Variants in FARS2 observed in about 807,000 individuals in gnomAD.
FARS2 encodes the protein phenylalanine--tRNA ligase, mitochondrial.
In FARS2, 40 loss-of-function variants were observed where a neutral mutation model predicts 46.4. The observed-to-expected ratio is 0.86, with a 90% CI of 0.67 to 1.12. The LOEUF (loss-of-function observed/expected upper bound fraction) is 1.12. Ranked by LOEUF, FARS2 falls within the 50% of genes most tolerant of loss-of-function variation. The probability of loss-of-function intolerance (pLI) is 0.00; values close to 1 mark genes in which losing one functional copy is unlikely to be tolerated. For missense variants in FARS2, 513 were observed against 567.9 expected (o/e 0.90, Z 0.98); for synonymous variants, 234 against 214.9 (o/e 1.09, Z -0.78).
At chr6:5,556,337 G>A (rs553907117) in intron 5 of FARS2, among the ~76,000 whole-genome samples, 3 of 152,024 alleles carry the variant, frequency 2.0e-5, no homozygotes, top group Non-Finnish European at 2.9e-5. Flanking sequence ...TCATCGTGGC[G>A]CATTCAACGA....
At chr6:5,388,914 A>T (rs1376188430) in intron 2 of FARS2, among the ~76,000 whole-genome samples, 1 of 152,036 alleles carries the variant, frequency 6.6e-6, no homozygotes, top group Non-Finnish European at 1.5e-5. Flanking sequence ...CTTTTAAAAA[A>T]TCCCTTTTGT....
intron 2 of FARS2, among the ~76,000 whole-genome samples, chr6:5,397,546 G>A (rs1760982654): frequency 6.6e-6 from 1 of 152,074 alleles, no homozygotes; most frequent in Non-Finnish European, 1.5e-5. Flanking sequence ...GTGTGGAGGA[G>A]GAATTATATG....
intron 6 of FARS2, among the ~76,000 whole-genome samples, chr6:5,699,388 A>G (rs1323128206): frequency 6.6e-6 from 1 of 152,072 alleles, no homozygotes; most frequent in African/African-American, 2.4e-5. Flanking sequence ...CAGTTTTGCA[A>G]CTCAAACTTG....
chr6:5,504,686 TAC>T (rs1304771291), intron 4 of FARS2, among the ~76,000 whole-genome samples: 3 of 152,164 alleles, frequency 2.0e-5, no homozygotes, highest in Non-Finnish European at 2.9e-5. Context: ...ATTCAAAACA[TAC>T]AGTTACAAAA....
chr6:5,274,917 C>T (rs1470391263), intron 1 of FARS2, among the ~76,000 whole-genome samples: 1 of 152,148 alleles, frequency 6.6e-6, no homozygotes, highest in Non-Finnish European at 1.5e-5. Context: ...GGGTTTTGCT[C>T]TGTTGCCCAG....
chr6:5,667,531 A>AAAGATT (rs1554123158), intron 6 of FARS2, among the ~76,000 whole-genome samples: 2,816 of 150,628 alleles, frequency 0.019, 89 homozygotes, highest in African/African-American at 0.063. Context: ...AAAAAAAAAA[A>AAAGATT]AAGATTATAT....
intron 5 of FARS2, among the ~76,000 whole-genome samples, chr6:5,595,194 G>C (rs1774129003): frequency 6.6e-6 from 1 of 152,176 alleles, no homozygotes; most frequent in South Asian, 2.1e-4. Context: ...TTCCTCTCTA[G>C]CTCTGAGTTT....
chr6:5,588,058 C>G (rs943842022), intron 5 of FARS2, among the ~76,000 whole-genome samples: 1 of 152,026 alleles, frequency 6.6e-6, no homozygotes, highest in Non-Finnish European at 1.5e-5. Context: ...CTTTAACTCC[C>G]CAGTGAAGGT....
chr6:5,573,473 G>A (rs898198714), intron 5 of FARS2, among the ~76,000 whole-genome samples: 1 of 152,140 alleles, frequency 6.6e-6, no homozygotes, highest in African/African-American at 2.4e-5. Flanking sequence ...AATGGTGTAG[G>A]TATTATTGTT....
Position 5,765,636 on chromosome 6 carries a change from G to T in FARS2, c.1218-5655G>T, listed in dbSNP as rs529303663. On this transcript the variant is annotated intron_variant, in intron 6 of 6. Coordinates refer to ENST00000274680, the MANE Select transcript of FARS2 (RefSeq NM_006567.5). This position sits in a 1 kb window ranked among gnomAD's most constrained non-coding sequence, Gnocchi z 4.0. Reference sequence around the variant, plus strand: ...AATTATGCACTGAAGAGCAAATCTCGGGAGAACATGAGGTTCCACGTGGGG... The same window carrying T: ...AATTATGCACTGAAGAGCAAATCTCTGGAGAACATGAGGTTCCACGTGGGG... Among the ~76,000 whole-genome samples, 1 of 152,172 alleles carries T rather than the reference G, an allele frequency of 6.6e-6. No homozygotes were observed. The highest frequency in any genetic ancestry group is 2.4e-5 in the African/African-American group (1 of 41,444).
chr6:5,599,132 T>C (rs1774365571), intron 5 of FARS2, among the ~76,000 whole-genome samples: 1 of 152,184 alleles, frequency 6.6e-6, no homozygotes, highest in African/African-American at 2.4e-5. Flanking sequence ...CCTCTAAGTA[T>C]ATTTGAGGTT....
intron 6 of FARS2, among the ~76,000 whole-genome samples, chr6:5,714,823 G>A (rs192107386): frequency 1.2e-3 from 184 of 152,130 alleles, no homozygotes; most frequent in African/African-American, 4.2e-3. Flanking sequence ...TCAGGAGTTC[G>A]AGACCAGTCT....
intron 2 of FARS2, among the ~76,000 whole-genome samples, chr6:5,398,946 A>G (rs1011093449): frequency 6.6e-6 from 1 of 151,946 alleles, no homozygotes; most frequent in Non-Finnish European, 1.5e-5. Flanking sequence ...AATATTTGCT[A>G]TGTTTATTTT....
At position 5,512,635 on chromosome 6, in the gene FARS2, T is replaced by G. The variant is rs138976911; in HGVS notation, c.905-32545T>G. 5.6e-4 allele frequency among the ~76,000 whole-genome samples: 85 copies of G among 152,122 alleles called. 1 individual carries two copies. The highest frequency in any genetic ancestry group is 1.9e-3 in the African/African-American group (80 of 41,482). On this transcript the variant is annotated intron_variant, in intron 4 of 6. Coordinates refer to ENST00000274680, the MANE Select transcript of FARS2 (RefSeq NM_006567.5). ...AGCATTTCCTAGGTTACAGATGCTG[T>G]GCCAGGCACCCGAGATTCAAATGTG...
At chr6:5,526,271 G>A (rs6597137) in intron 4 of FARS2, among the ~76,000 whole-genome samples, 95,741 of 152,088 alleles carry the variant, frequency 0.63, 31,011 homozygotes, top group African/African-American at 0.75. Context: ...TTTTAATTAT[G>A]TTTTGGATAA....
chr6:5,566,541 A>G (rs1392446795), intron 5 of FARS2, among the ~76,000 whole-genome samples: 3 of 152,204 alleles, frequency 2.0e-5, no homozygotes, highest in Non-Finnish European at 4.4e-5. Flanking sequence ...CAGAAGTCCC[A>G]TACTACCAGA....
chr6:5,596,111 C>T (rs772717442), intron 5 of FARS2, among the ~76,000 whole-genome samples: 4 of 152,104 alleles, frequency 2.6e-5, no homozygotes, highest in African/African-American at 4.8e-5. Context: ...TCTACTGAAG[C>T]TAAAATAGGA....
At chr6:5,755,291 C>A (rs950589814) in intron 6 of FARS2, among the ~76,000 whole-genome samples, 2 of 152,164 alleles carry the variant, frequency 1.3e-5, no homozygotes, top group Non-Finnish European at 2.9e-5. Flanking sequence ...CTGCACCCAT[C>A]AACCCGTCAT....
chr6:5,418,036 A>G (rs1273237258), intron 3 of FARS2, among the ~76,000 whole-genome samples: 1 of 151,712 alleles, frequency 6.6e-6, no homozygotes, highest in Non-Finnish European at 1.5e-5. Context: ...TTTTCATCTC[A>G]TTCATTTGCT....
Sources: allele counts gnomAD v4.1 joint callset (sites outside exome capture counted in the v4.1 genomes callset), GRCh38; gene constraint gnomAD v4.1.1; non-coding constraint Gnocchi (gnomAD v3.1); transcripts MANE v1.5; gene names NCBI Gene and HGNC (gene_info 2026-07-23, HGNC 2026-07-21).